Variants in MYOM1 observed in about 807,000 individuals in gnomAD.
MYOM1 encodes myomesin-1.
Under a neutral mutation model 205.3 loss-of-function variants are expected in MYOM1, and 164 were observed. That is an observed-to-expected ratio of 0.80 (90% confidence interval 0.70 to 0.91). MYOM1 has a LOEUF of 0.91. Ranked by LOEUF, MYOM1 falls within the 40% of genes least tolerant of loss-of-function variation. MYOM1 has a pLI of 0.00. For synonymous variants in MYOM1, 772 were observed against 789.4 expected (o/e 0.98, Z 0.37); for missense variants, 2,011 against 2,127.3 (o/e 0.95, Z 1.08).
intron 3 of MYOM1, among the ~76,000 whole-genome samples, chr18:3,191,987 T>A (rs62076880): frequency 6.6e-6 from 1 of 152,102 alleles, no homozygotes; most frequent in African/African-American, 2.4e-5. Context: ...TGAGCCACCG[T>A]GCCTGGCCTC....
At chr18:3,115,464 T>C (rs766042191) in intron 21 of MYOM1, among the ~76,000 whole-genome samples, 1 of 152,192 alleles carries the variant, frequency 6.6e-6, no homozygotes, top group African/African-American at 2.4e-5. Context: ...TGGCCAGGTA[T>C]ACTTTGAGTA....
At chr18:3,212,260 TA>T (rs1325471078) in intron 2 of MYOM1, among the ~76,000 whole-genome samples, 1 of 152,142 alleles carries the variant, frequency 6.6e-6, no homozygotes, top group East Asian at 1.9e-4. Flanking sequence ...CCTACAAAAA[TA>T]TATACATAGT....
chr18:3,174,257 A>C, intron 6 of MYOM1, 49 bp from the exon 7 acceptor site: 1 of 1,495,198 alleles, frequency 6.7e-7, no homozygotes, highest in Non-Finnish European at 9.3e-7. Flanking sequence ...CAATCCTTGT[A>C]ATTACTAGCT....
intron 10 of MYOM1, among the ~76,000 whole-genome samples, chr18:3,155,484 A>C (rs2080288956): frequency 6.6e-6 from 1 of 152,200 alleles, no homozygotes; most frequent in South Asian, 2.1e-4. Context: ...TCGGCCTCCC[A>C]AAGTGCTGGG....
chr18:3,169,452 C>T (rs2080522585), intron 8 of MYOM1, among the ~76,000 whole-genome samples: 2 of 152,078 alleles, frequency 1.3e-5, no homozygotes, highest in Admixed American at 1.3e-4. Flanking sequence ...GCTCAAAGTA[C>T]TCAATAGCAA....
intron 29 of MYOM1, among the ~76,000 whole-genome samples, chr18:3,088,669 T>A (rs185358042): frequency 3.5e-4 from 54 of 152,324 alleles, no homozygotes; most frequent in African/African-American, 1.3e-3. Flanking sequence ...GTATAGAATT[T>A]TTTTTTCCTG....
rs1172088046 is a variant in MYOM1 at position 3,071,879 on chromosome 18, C to T, written c.4719G>A (p.Arg1573=). 1 of 1,605,162 alleles carries T rather than the reference C, an allele frequency of 6.2e-7. No individual in the cohort carries two copies. Among genetic ancestry groups the T allele is most frequent in the East Asian group, 2.2e-5 (1 of 44,480 alleles). The change falls in exon 37 of 38, where the codon CGG becomes CGA. Residue 1573 remains arginine, a synonymous_variant. Transcript: ENST00000356443. ...QAAIAEKNRA[R]VLGGLPDVVT... is the part of the protein sequence containing the mutation. ...CCACGTCTGGGAGACCTCCCAACAC[C>T]CGGGCACGATCTGCAAGCATAGGCA...
Position 3,117,477 on chromosome 18 carries a change from T to C in MYOM1, c.3119-962A>G, listed in dbSNP as rs1157080174. ...TTATCTCCCTCTTCCTTAAGACAAT[T>C]AACAGAAAGAAAGCTCAGAGAAGCC... On this transcript the variant is annotated intron_variant, in intron 20 of 37. Coordinates refer to ENST00000356443, the MANE Select transcript of MYOM1 (RefSeq NM_003803.4). 9.2e-5 allele frequency among the ~76,000 whole-genome samples: 4 copies of C among 43,568 alleles called. No homozygotes were observed. The Admixed American group carries it at 1.4e-3, about 16-fold the overall frequency. 28.6% of individuals were successfully genotyped at this position (43,568 alleles called of 152,430 possible).
chr18:3,114,468 C>T (rs1392603389), intron 21 of MYOM1, among the ~76,000 whole-genome samples: 1 of 151,722 alleles, frequency 6.6e-6, no homozygotes, highest in Non-Finnish European at 1.5e-5. Flanking sequence ...GCTTCCGCCT[C>T]CCTGGTTCAA....
At chr18:3,083,965 T>C (rs1054255318) in intron 32 of MYOM1, 24 bp downstream of exon 32, 22 of 1,586,452 alleles carry the variant, frequency 1.4e-5, no homozygotes, top group Non-Finnish European at 2.6e-6. Context: ...AAAGCATTGT[T>C]GTGGTGCGAA....
chr18:3,071,039 G>C (rs902226344), intron 37 of MYOM1, among the ~76,000 whole-genome samples: 1 of 152,108 alleles, frequency 6.6e-6, no homozygotes, highest in Non-Finnish European at 1.5e-5. Flanking sequence ...GATTACAGGC[G>C]TGAGCCACTG....
intron 5 of MYOM1, among the ~76,000 whole-genome samples, chr18:3,186,928 AAAAG>A (rs1214971413): frequency 6.6e-6 from 1 of 151,902 alleles, no homozygotes; most frequent in Non-Finnish European, 1.5e-5. Flanking sequence ...AAGATAAAGA[AAAAG>A]AAAGAAAAAA....
intron 14 of MYOM1, among the ~76,000 whole-genome samples, chr18:3,140,776 A>C (rs2080036419): frequency 6.6e-6 from 1 of 152,204 alleles, no homozygotes; most frequent in Admixed American, 6.5e-5. Context: ...ACCTTTAGGA[A>C]AATTAACTGA....
At chr18:3,129,547 G>A (rs775302293) in intron 17 of MYOM1, 28 bp from the exon 18 acceptor site, 10 of 1,588,970 alleles carry the variant, frequency 6.3e-6, no homozygotes, top group African/African-American at 4.0e-5. Context: ...CAACAGAAAC[G>A]CATTGAGCCC....
intron 20 of MYOM1, among the ~76,000 whole-genome samples, chr18:3,117,355 T>C (rs1294005795): frequency 3.3e-5 from 5 of 152,230 alleles, no homozygotes; most frequent in African/African-American, 1.2e-4. Flanking sequence ...AAACAAACGA[T>C]AGGTTATGGT....
chr18:3,198,966 T>A (rs1048646634), intron 2 of MYOM1, among the ~76,000 whole-genome samples: 10 of 152,190 alleles, frequency 6.6e-5, no homozygotes, highest in Admixed American at 4.6e-4. Flanking sequence ...GCAGTGATGA[T>A]ATATAACACA....
intron 35 of MYOM1, 63 bp downstream of exon 35, chr18:3,075,662 A>T (rs1450275025): frequency 6.5e-7 from 1 of 1,537,786 alleles, no homozygotes; most frequent in Non-Finnish European, 9.0e-7. Flanking sequence ...AGGGGCGAGC[A>T]GCATGCAAGC....
In MYOM1 at chr18:3,135,319, AC is replaced by A. The variant is rs1464556968; in HGVS notation, c.2209+227del. On this transcript the variant is annotated intron_variant, in intron 15 of 37. Transcript: ENST00000356443. This position sits in a 1 kb window ranked among gnomAD's most constrained non-coding sequence, Gnocchi z 4.1. ...GCATGGATAAACTAAATGTCCATGA[AC>A]TTCAGAAAAAACACATTATCAATAT... 2.2e-6 allele frequency: 1 copy of A among 445,588 alleles called. No homozygotes were observed. The highest frequency in any genetic ancestry group is 3.7e-5 in the East Asian group (1 of 26,724). 27.6% of individuals were successfully genotyped at this position (445,588 alleles called of 1,614,324 possible). A position where few individuals can be genotyped will look rare whatever the true frequency, so the allele number is the denominator to read the frequency against.
intron 26 of MYOM1, among the ~76,000 whole-genome samples, chr18:3,091,405 G>A (rs1248806757): frequency 2.0e-5 from 3 of 151,982 alleles, no homozygotes; most frequent in Middle Eastern, 3.4e-3. Flanking sequence ...CTTGAACCCA[G>A]GAGGTCAAGG....
Sources: gnomAD v4.1 joint callset for allele counts (sites outside exome capture counted in the v4.1 genomes callset) on GRCh38, gnomAD v4.1.1 for gene constraint, Gnocchi (gnomAD v3.1) non-coding constraint, MANE v1.5 for transcripts, NCBI Gene and HGNC (gene_info 2026-07-23, HGNC 2026-07-21) for gene names.